TAFA1: variants seen among roughly 807,000 people sequenced by gnomAD.
TAFA1 encodes the protein chemokine-like protein TAFA-1.
In TAFA1, 4 loss-of-function variants were observed where a neutral mutation model predicts 18.5. The observed-to-expected ratio is 0.22, with a 90% CI of 0.11 to 0.49. The LOEUF is 0.49. TAFA1 is among the 20% of genes least tolerant of loss of function. The pLI, the probability that TAFA1 is intolerant of heterozygous loss-of-function variation, is 0.98. For missense variants in TAFA1, 147 were observed against 169.0 expected (o/e 0.87, Z 0.72); for synonymous variants, 56 against 55.2 (o/e 1.01, Z -0.06).
At chr3:68,121,705 T>C (rs1162724627) in intron 2 of TAFA1, among the ~76,000 whole-genome samples, 1 of 152,186 alleles carries the variant, frequency 6.6e-6, no homozygotes, top group Non-Finnish European at 1.5e-5. Context: ...AATTTACTAT[T>C]TTGTTCAACA....
chr3:68,444,424 G>A (rs1012806946), intron 3 of TAFA1, among the ~76,000 whole-genome samples: 3 of 151,974 alleles, frequency 2.0e-5, no homozygotes, highest in Non-Finnish European at 4.4e-5. Context: ...CATTGTCCAG[G>A]TGAAGTCACA....
intron 2 of TAFA1, among the ~76,000 whole-genome samples, chr3:68,020,703 C>T (rs1159557731): frequency 6.6e-6 from 1 of 152,088 alleles, no homozygotes; most frequent in African/African-American, 2.4e-5. Flanking sequence ...CCTGAGTCTT[C>T]TGATAATAAA....
chr3:68,197,063 A>G (rs916951797), intron 2 of TAFA1, among the ~76,000 whole-genome samples: 2 of 151,734 alleles, frequency 1.3e-5, no homozygotes, highest in Admixed American at 6.6e-5. Context: ...CAGCCTCAAC[A>G]TGTGTCACTT....
At chr3:68,036,436 CAAA>C (rs10566431) in intron 2 of TAFA1, among the ~76,000 whole-genome samples, 1,909 of 98,644 alleles carry the variant, frequency 0.019, 9 homozygotes, top group African/African-American at 0.025. Flanking sequence ...GAGACTCTGT[CAAA>C]AAAAAAAAAA....
chr3:68,431,252 A>G (rs1234634368), intron 3 of TAFA1, among the ~76,000 whole-genome samples: 1 of 152,026 alleles, frequency 6.6e-6, no homozygotes, highest in Non-Finnish European at 1.5e-5. Flanking sequence ...CACATTACCA[A>G]GTCCTGCTCC....
chr3:68,297,572 T>C (rs970349663), intron 2 of TAFA1, among the ~76,000 whole-genome samples: 137 of 152,188 alleles, frequency 9.0e-4, no homozygotes, highest in African/African-American at 3.2e-3. Context: ...CTGGGAACTA[T>C]TGCATTCAAA....
At chr3:68,052,363 A>G (rs1466811301) in intron 2 of TAFA1, among the ~76,000 whole-genome samples, 4 of 152,100 alleles carry the variant, frequency 2.6e-5, no homozygotes, top group Non-Finnish European at 4.4e-5. Context: ...TTGGTACTCA[A>G]ATTTCACCTA....
intron 2 of TAFA1, among the ~76,000 whole-genome samples, chr3:68,187,989 C>T (rs1053730738): frequency 2.6e-5 from 4 of 151,770 alleles, no homozygotes; most frequent in Non-Finnish European, 4.4e-5. Context: ...ACATTTCTTG[C>T]CTATTTTTCT....
chr3:68,181,283 T>C (rs1054333951), intron 2 of TAFA1, among the ~76,000 whole-genome samples: 2 of 152,062 alleles, frequency 1.3e-5, no homozygotes, highest in South Asian at 4.2e-4. Context: ...CTGTGTCTTG[T>C]TTTAAGCTGC....
intron 2 of TAFA1, among the ~76,000 whole-genome samples, chr3:68,413,414 G>A (rs978213132): frequency 1.8e-4 from 28 of 151,822 alleles, no homozygotes; most frequent in Non-Finnish European, 3.4e-4. Flanking sequence ...TATGGTATTG[G>A]GCACATAGGA....
At chr3:68,186,317 C>T (rs904078844) in intron 2 of TAFA1, among the ~76,000 whole-genome samples, 13 of 152,028 alleles carry the variant, frequency 8.6e-5, no homozygotes, top group South Asian at 6.2e-4. Context: ...TAACCCTTTC[C>T]GCAGAAGTAC....
intron 2 of TAFA1, among the ~76,000 whole-genome samples, chr3:68,219,149 T>C (rs2066699946): frequency 6.6e-6 from 1 of 152,038 alleles, no homozygotes; most frequent in African/African-American, 2.4e-5. Flanking sequence ...ACTAGGGAAA[T>C]ATGGCTACAG....
rs1005506654 is a variant in TAFA1 at position 68,004,515 on chromosome 3, C to CTT, written c.-183_-182dup. ...AATACAGTCTGAATGAACCCGATGT[C>CTT]TTTTTTTTTACTGTGGAAATAGGAT... On this transcript the variant is annotated 5_prime_UTR_variant, in exon 1 of 5. An upstream open reading frame in the 5' UTR loses its in-frame stop. Transcript: ENST00000478136. The CTT allele has an allele frequency of 6.7e-6, 1 of 150,240 alleles. No homozygotes were observed. The highest frequency in any genetic ancestry group is 2.0e-4 in the East Asian group (1 of 5,126). 9.3% of individuals were successfully genotyped at this position (150,240 alleles called of 1,614,324 possible).
At chr3:68,258,691 A>G (rs765922310) in intron 2 of TAFA1, among the ~76,000 whole-genome samples, 2 of 152,134 alleles carry the variant, frequency 1.3e-5, no homozygotes, top group Non-Finnish European at 2.9e-5. Context: ...AAATATACCA[A>G]TTTATGCCTA....
At chr3:68,145,655 T>C in intron 2 of TAFA1, 2 of 1,062,468 alleles carry the variant, frequency 1.9e-6, no homozygotes, top group Non-Finnish European at 1.5e-6. Flanking sequence ...GAGTTCAAGA[T>C]TCATCTTCAG....
At chr3:68,433,717 C>T (rs1431708217) in intron 3 of TAFA1, among the ~76,000 whole-genome samples, 3 of 152,166 alleles carry the variant, frequency 2.0e-5, no homozygotes, top group Non-Finnish European at 2.9e-5. Context: ...ATTTAAGTTC[C>T]CAAATCTGAA....
rs544934755 is a variant in TAFA1, at chr3:68,484,006, C to G, written c.260-54750C>G. On this transcript the variant is annotated intron_variant, in intron 3 of 4. Transcript: ENST00000478136. ...ACAATAACACTGTCCAATGACAATACAATGTGAATCACACATGTGACTCTA... is the reference window on the plus strand; with the variant it reads ...ACAATAACACTGTCCAATGACAATAGAATGTGAATCACACATGTGACTCTA... Among the ~76,000 whole-genome samples the G allele has an allele frequency of 1.4e-3, 210 of 152,226 alleles. 1 individual carries two copies. The highest frequency in any genetic ancestry group is 2.3e-3 in the Non-Finnish European group (156 of 68,048).
chr3:68,228,980 T>C (rs1172615069), intron 2 of TAFA1, among the ~76,000 whole-genome samples: 1 of 152,228 alleles, frequency 6.6e-6, no homozygotes. Flanking sequence ...GAATTCATTC[T>C]GCCCAAGATG....
intron 2 of TAFA1, among the ~76,000 whole-genome samples, chr3:68,116,419 A>G (rs943606651): frequency 6.6e-6 from 1 of 152,202 alleles, no homozygotes; most frequent in Non-Finnish European, 1.5e-5. Context: ...TAATGCACAT[A>G]TATGTTGGCC....
Sources: allele counts gnomAD v4.1 joint callset (sites outside exome capture counted in the v4.1 genomes callset), GRCh38; gene constraint gnomAD v4.1.1; transcripts MANE v1.5; gene names NCBI Gene and HGNC (gene_info 2026-07-23, HGNC 2026-07-21).